The following RABGAP1L variants were observed in gnomAD, a reference collection of about 807,000 sequenced individuals.
RABGAP1L encodes the protein RAB GTPase activating protein 1 like, also known as rab GTPase-activating protein 1-like.
In RABGAP1L, 63 loss-of-function variants were observed where a neutral mutation model predicts 137.7. That is an observed-to-expected ratio of 0.46 (90% CI 0.37 to 0.56). The LOEUF (loss-of-function observed/expected upper bound fraction) is 0.56. RABGAP1L is among the 20% of genes least tolerant of loss of function. The pLI, the probability that RABGAP1L is intolerant of heterozygous loss-of-function variation, is 0.00. For synonymous variants in RABGAP1L, 431 were observed against 433.7 expected (o/e 0.99, Z 0.08); for missense variants, 1,095 against 1,244.0 (o/e 0.88, Z 1.80).
chr1:174,194,214 G>A (rs948635298), intron 1 of RABGAP1L, among the ~76,000 whole-genome samples: 3 of 151,698 alleles, frequency 2.0e-5, no homozygotes, highest in African/African-American at 7.3e-5. Context: ...GAGAATCTAC[G>A]GGATTAGGCT....
At chr1:174,783,980 T>C (rs1264166967) in intron 18 of RABGAP1L, among the ~76,000 whole-genome samples, 2 of 149,628 alleles carry the variant, frequency 1.3e-5, no homozygotes, top group Non-Finnish European at 1.5e-5. Flanking sequence ...AGTGCTGAGA[T>C]TACAGGCCGT....
At chr1:174,455,642 G>T (rs576848194) in intron 13 of RABGAP1L, among the ~76,000 whole-genome samples, 55 of 152,130 alleles carry the variant, frequency 3.6e-4, no homozygotes, top group Admixed American at 1.7e-3. Context: ...ATAATTATTA[G>T]TAGATGGCGT....
chr1:174,772,742 C>G (rs948772952), intron 18 of RABGAP1L, among the ~76,000 whole-genome samples: 1 of 152,038 alleles, frequency 6.6e-6, no homozygotes, highest in Non-Finnish European at 1.5e-5. Context: ...ACTCCCCATT[C>G]CTTTCTCCCC....
intron 13 of RABGAP1L, among the ~76,000 whole-genome samples, chr1:174,579,966 G>A (rs1423350069): frequency 6.6e-6 from 1 of 152,112 alleles, no homozygotes; most frequent in East Asian, 1.9e-4. Flanking sequence ...TCACCATGTT[G>A]GCCAGGCTGG....
At chr1:174,623,152 T>A (rs1266756514) in intron 13 of RABGAP1L, among the ~76,000 whole-genome samples, 5 of 152,224 alleles carry the variant, frequency 3.3e-5, no homozygotes, top group Admixed American at 2.6e-4. Flanking sequence ...AAAGTTTTCA[T>A]AATTAACACA....
intron 13 of RABGAP1L, among the ~76,000 whole-genome samples, chr1:174,509,545 T>C (rs940574247): frequency 6.6e-6 from 1 of 152,076 alleles, no homozygotes; most frequent in African/African-American, 2.4e-5. Context: ...ATCTTAAATA[T>C]AGGCATCTTT....
At chr1:174,952,406 G>A (rs971664989) in intron 19 of RABGAP1L, among the ~76,000 whole-genome samples, 2 of 146,524 alleles carry the variant, frequency 1.4e-5, no homozygotes, top group African/African-American at 5.0e-5. Context: ...AGCTACTCAG[G>A]AAGCTAAGGT....
intron 13 of RABGAP1L, among the ~76,000 whole-genome samples, chr1:174,514,939 A>T (rs77426230): frequency 0.061 from 9,221 of 152,170 alleles, 991 homozygotes; most frequent in African/African-American, 0.21. Context: ...CATTTTCCAT[A>T]TTAGAAGTCA....
At chr1:174,620,414 C>T (rs971027105) in intron 13 of RABGAP1L, among the ~76,000 whole-genome samples, 3 of 152,148 alleles carry the variant, frequency 2.0e-5, no homozygotes, top group Admixed American at 6.5e-5. Context: ...TGTAAAAGAA[C>T]AGAAATTATA....
chr1:174,231,466 T>A, intron 4 of RABGAP1L, 111 bp downstream of exon 4: 1 of 971,612 alleles, frequency 1.0e-6, no homozygotes, highest in Non-Finnish European at 1.6e-6. Flanking sequence ...ACTGTAGACA[T>A]GCAGAGTAAA....
chr1:174,621,110 C>G (rs1672417803), intron 13 of RABGAP1L, among the ~76,000 whole-genome samples: 1 of 152,088 alleles, frequency 6.6e-6, no homozygotes, highest in East Asian at 1.9e-4. Flanking sequence ...ATAATTGCTT[C>G]AAAGAGAATA....
chr1:174,716,629 A>C (rs1183417775), intron 17 of RABGAP1L, among the ~76,000 whole-genome samples: 1 of 152,146 alleles, frequency 6.6e-6, no homozygotes, highest in Non-Finnish European at 1.5e-5. Flanking sequence ...CGGGACTTTC[A>C]GAGGCTCTTA....
In RABGAP1L at chr1:174,231,312, C is replaced by G; in HGVS notation, c.499C>G (p.Pro167Ala). 1 of 1,614,110 alleles carries G rather than the reference C, an allele frequency of 6.2e-7. No individual in the cohort carries two copies. Among genetic ancestry groups the G allele is most frequent in the East Asian group, 2.2e-5 (1 of 44,858 alleles). The change falls in exon 4 of 26, where the codon CCT (proline) becomes GCT (alanine). Residue 167 changes from proline (P) to alanine (A), a missense_variant. Around this residue, in one of 4 missense-constraint regions of RABGAP1L, gnomAD observed 356 missense variants for 326.3 expected, o/e 1.09. Coordinates refer to ENST00000681986, the MANE Select transcript of RABGAP1L (RefSeq NM_001366446.1). ...TMKSSSQYPF[P>A]VTLYVPNVPE... ...GAAATCTTCCAGTCAATACCCCTTT[C>G]CTGTTACCCTGTATGTACCAAATGT...
intron 12 of RABGAP1L, among the ~76,000 whole-genome samples, chr1:174,375,783 G>C (rs1685474924): frequency 6.6e-6 from 1 of 152,142 alleles, no homozygotes; most frequent in South Asian, 2.1e-4. Context: ...AAAATAATAA[G>C]ACTGGGCACA....
chr1:174,799,719 C>T (rs1688553101), intron 18 of RABGAP1L, among the ~76,000 whole-genome samples: 1 of 152,028 alleles, frequency 6.6e-6, no homozygotes, highest in African/African-American at 2.4e-5. Flanking sequence ...CTTCCCTCCC[C>T]TTCCTTCCCT....
intron 14 of RABGAP1L, among the ~76,000 whole-genome samples, chr1:174,676,843 T>A (rs963752790): frequency 2.0e-5 from 3 of 152,156 alleles, no homozygotes; most frequent in Non-Finnish European, 4.4e-5. Flanking sequence ...TTTCCTTCCT[T>A]CCTTCCTCTT....
intron 11 of RABGAP1L, among the ~76,000 whole-genome samples, chr1:174,330,185 TAAAC>T (rs773471615): frequency 7.9e-5 from 12 of 152,088 alleles, no homozygotes; most frequent in Non-Finnish European, 1.2e-4. Flanking sequence ...TTAGAACTAA[TAAAC>T]AAATTCAGTA....
intron 7 of RABGAP1L, among the ~76,000 whole-genome samples, chr1:174,265,393 A>T (rs993573495): frequency 1.3e-5 from 2 of 152,028 alleles, no homozygotes; most frequent in African/African-American, 4.8e-5. Context: ...TTAAAATCTG[A>T]CTGTAGCTAA....
intron 17 of RABGAP1L, among the ~76,000 whole-genome samples, chr1:174,726,693 T>G (rs1682014225): frequency 6.6e-6 from 1 of 152,162 alleles, no homozygotes; most frequent in Non-Finnish European, 1.5e-5. Context: ...TCATTCCTTC[T>G]CTTATGTATG....
Sources: allele counts gnomAD v4.1 joint callset (sites outside exome capture counted in the v4.1 genomes callset), GRCh38; gene constraint gnomAD v4.1.1; regional missense constraint gnomAD v4.1.1; transcripts MANE v1.5; gene names NCBI Gene and HGNC (gene_info 2026-07-23, HGNC 2026-07-21).